Variants in C12orf42 observed in about 807,000 individuals in gnomAD.
C12orf42 encodes the protein uncharacterized protein C12orf42.
C12orf42 carries 25 observed loss-of-function variants against 21.6 expected under a neutral mutation model. That is an observed-to-expected ratio of 1.16 (90% confidence interval 0.84 to 1.62). The LOEUF is 1.62. Among genes scored for constraint, C12orf42 ranks in the 40% most tolerant of loss-of-function variants. C12orf42 has a pLI of 0.00. For synonymous variants in C12orf42, 174 were observed against 175.0 expected, an observed-to-expected ratio of 0.99 and a Z score of 0.05; for missense variants, 483 against 459.3, an observed-to-expected ratio of 1.05 and a Z score of -0.47.
At chr12:103,530,479 A>T in the C12orf42 span, among the ~76,000 whole-genome samples, 1 of 152,218 alleles carries the variant, frequency 6.6e-6, no homozygotes, top group South Asian at 2.1e-4. Context: ...ATTTGTGACG[A>T]GTGGGAAAGC....
chr12:103,562,428 T>C, the C12orf42 span, among the ~76,000 whole-genome samples: 1 of 152,196 alleles, frequency 6.6e-6, no homozygotes, highest in African/African-American at 2.4e-5. Flanking sequence ...CAGCAACACT[T>C]TGCCAAATGA....
At chr12:103,509,666 G>C in the C12orf42 span, among the ~76,000 whole-genome samples, 1 of 152,100 alleles carries the variant, frequency 6.6e-6, no homozygotes, top group Admixed American at 6.6e-5. Context: ...CTAGCTTTCA[G>C]AGGTCACTCC....
the C12orf42 span, among the ~76,000 whole-genome samples, chr12:103,113,396 C>T: frequency 6.6e-6 from 1 of 152,210 alleles, no homozygotes; most frequent in Non-Finnish European, 1.5e-5. Context: ...GGGGCTGAGG[C>T]TTCCTCAGCA....
At chr12:103,125,142 T>G in the C12orf42 span, among the ~76,000 whole-genome samples, 1 of 152,198 alleles carries the variant, frequency 6.6e-6, no homozygotes, top group Non-Finnish European at 1.5e-5. Flanking sequence ...TCTTTCATAT[T>G]CTGTTTTTTG....
the C12orf42 span, among the ~76,000 whole-genome samples, chr12:103,218,046 C>G: frequency 6.6e-6 from 1 of 152,116 alleles, no homozygotes; most frequent in Non-Finnish European, 1.5e-5. Flanking sequence ...TTTTGGGAGG[C>G]GAGGTGAGTG....
At chr12:103,327,593 C>T (rs1233990112) in intron 4 of C12orf42, among the ~76,000 whole-genome samples, 2 of 152,270 alleles carry the variant, frequency 1.3e-5, no homozygotes, top group African/African-American at 4.8e-5. Flanking sequence ...GTCTCTGTTG[C>T]TCTAGAGGAC....
chr12:103,512,571 T>C, the C12orf42 span, among the ~76,000 whole-genome samples: 47 of 152,346 alleles, frequency 3.1e-4, no homozygotes, highest in Admixed American at 5.2e-4. Context: ...ATATCACATA[T>C]ACCTCATAAA....
chr12:103,091,529 A>C, the C12orf42 span, among the ~76,000 whole-genome samples: 1 of 152,236 alleles, frequency 6.6e-6, no homozygotes, highest in African/African-American at 2.4e-5. Flanking sequence ...AAACAGGAGA[A>C]AGAAACAGAA....
chr12:103,163,497 T>C, the C12orf42 span, among the ~76,000 whole-genome samples: 1 of 152,210 alleles, frequency 6.6e-6, no homozygotes, highest in East Asian at 1.9e-4. Flanking sequence ...TGGATGGCAG[T>C]GAGCTCAGAA....
At chr12:103,150,534 G>A in the C12orf42 span, among the ~76,000 whole-genome samples, 91 of 152,286 alleles carry the variant, frequency 6.0e-4, no homozygotes, top group African/African-American at 2.2e-3. Context: ...TTATAATTCT[G>A]TGACATAGAC....
In C12orf42 at chr12:103,256,127, C is replaced by T. The variant is rs1299682346; in HGVS notation, c.*1366+7199G>A. 2.7e-3 allele frequency among the ~76,000 whole-genome samples: 316 copies of T among 115,558 alleles called. 4 individuals are homozygous for T. The East Asian group carries it at 0.046, about 17-fold the overall frequency. 75.8% of individuals were successfully genotyped at this position (115,558 alleles called of 152,430 possible). On this transcript the variant is annotated intron_variant and NMD_transcript_variant, in intron 10 of 10. Transcript: ENST00000547347. ...ATATATATATACACACACACACACA[C>T]ACACACACACACACACACGTATATA...
chr12:103,082,094 CAG>C, the C12orf42 span, among the ~76,000 whole-genome samples: 3 of 152,160 alleles, frequency 2.0e-5, no homozygotes. Context: ...ACACTTAAAA[CAG>C]GGAACAGTTC....
the C12orf42 span, among the ~76,000 whole-genome samples, chr12:103,053,066 G>C: frequency 6.6e-6 from 1 of 151,914 alleles, no homozygotes; most frequent in Admixed American, 6.6e-5. Flanking sequence ...CTGAAATTCT[G>C]AAGTTTAGGT....
chr12:103,320,290 C>T (rs2039961341), intron 4 of C12orf42, among the ~76,000 whole-genome samples: 1 of 152,202 alleles, frequency 6.6e-6, no homozygotes, highest in African/African-American at 2.4e-5. Context: ...GAAATATTAA[C>T]TTAATAACAT....
chr12:103,308,775 T>G (rs1174477526), intron 4 of C12orf42, among the ~76,000 whole-genome samples: 1 of 152,204 alleles, frequency 6.6e-6, no homozygotes, highest in Admixed American at 6.5e-5. Flanking sequence ...GTAACCTTAT[T>G]TGGAAATCAG....
At chr12:103,354,681 G>C (rs1270684616) in intron 4 of C12orf42, among the ~76,000 whole-genome samples, 1 of 152,048 alleles carries the variant, frequency 6.6e-6, no homozygotes, top group East Asian at 1.9e-4. Context: ...GAATAAGTTG[G>C]GGCATTCTAT....
chr12:103,557,172 A>T, the C12orf42 span, among the ~76,000 whole-genome samples: 1 of 152,242 alleles, frequency 6.6e-6, no homozygotes, highest in African/African-American at 2.4e-5. Flanking sequence ...ATTTGAATTC[A>T]TCCAGAACCA....
the C12orf42 span, among the ~76,000 whole-genome samples, chr12:103,163,214 T>C: frequency 6.6e-6 from 1 of 152,318 alleles, no homozygotes; most frequent in African/African-American, 2.4e-5. Context: ...ATCCTGGGCT[T>C]CAAGGAACTG....
chr12:103,294,624 G>GAAAGAAAGAAGGA (rs2037118967), intron 4 of C12orf42, among the ~76,000 whole-genome samples: 8 of 139,816 alleles, frequency 5.7e-5, no homozygotes, highest in African/African-American at 2.4e-4. Context: ...AAGAAAGAAA[G>GAAAGAAAGAAGGA]AAAGAAAGAA....
Sources: allele counts gnomAD v4.1 joint callset (sites outside exome capture counted in the v4.1 genomes callset), GRCh38; gene constraint gnomAD v4.1.1; transcripts MANE v1.5; gene names NCBI Gene and HGNC (gene_info 2026-07-23, HGNC 2026-07-21).